The following SMIM14 variants were observed in gnomAD, a reference collection of about 807,000 sequenced individuals.
SMIM14 encodes the protein small integral membrane protein 14.
SMIM14 carries 5 observed loss-of-function variants against 12.6 expected under a neutral mutation model. The ratio of observed to expected loss-of-function variants is 0.40; its 90% CI spans 0.21 to 0.83. The LOEUF (loss-of-function observed/expected upper bound fraction) is 0.83. SMIM14 is among the 40% of genes least tolerant of loss of function. The pLI is 0.37. For missense variants in SMIM14, 86 were observed against 119.1 expected (o/e 0.72, Z 1.29); for synonymous variants, 30 against 40.1 (o/e 0.75, Z 0.95).
At chr4:39,595,674 T>C (rs1015648985) in intron 2 of SMIM14, among the ~76,000 whole-genome samples, 2 of 148,960 alleles carry the variant, frequency 1.3e-5, no homozygotes, top group Non-Finnish European at 3.0e-5. Flanking sequence ...AGTGGCACAA[T>C]CTTGGCTCAC....
At chr4:39,571,816 T>C (rs1712906242) in intron 3 of SMIM14, among the ~76,000 whole-genome samples, 1 of 152,002 alleles carries the variant, frequency 6.6e-6, no homozygotes. Context: ...TATTTTTTTT[T>C]TTTGAGACAG....
chr4:39,599,319 T>G (rs1008743447), intron 2 of SMIM14, among the ~76,000 whole-genome samples: 2 of 152,116 alleles, frequency 1.3e-5, no homozygotes, highest in Non-Finnish European at 2.9e-5. Context: ...CACAGGACCA[T>G]GTAAATTTCA....
chr4:39,630,775 T>C (rs1335683837), intron 1 of SMIM14, among the ~76,000 whole-genome samples: 4 of 151,166 alleles, frequency 2.6e-5, no homozygotes, highest in South Asian at 4.2e-4. Context: ...GGCAGGAGAA[T>C]TGCTTGAACC....
At position 39,558,152 on chromosome 4, in the gene SMIM14, A is replaced by G. The variant is rs1712110863; in HGVS notation, c.125-1582T>C. On this transcript the variant is annotated intron_variant, in intron 3 of 4. Coordinates refer to ENST00000295958, the MANE Select transcript of SMIM14 (RefSeq NM_174921.3). The surrounding 1 kb of genome is among the most constrained non-coding windows in gnomAD (Gnocchi z 4.3). ...GGTTAACAAATTTCTAATAAATGAA[A>G]CGTAGATTTTTTATTGAAGTATATT... Among the ~76,000 whole-genome samples the G allele has an allele frequency of 6.6e-6, 1 of 152,230 alleles. No homozygotes were observed. The highest frequency in any genetic ancestry group is 2.4e-5 in the African/African-American group (1 of 41,460).
intron 2 of SMIM14, among the ~76,000 whole-genome samples, chr4:39,575,831 A>G (rs1713139977): frequency 6.7e-6 from 1 of 149,318 alleles, no homozygotes; most frequent in South Asian, 2.1e-4. Context: ...CTGGGCTCAA[A>G]GGATCCACCC....
At chr4:39,638,700 G>A (rs1716198316) in intron 1 of SMIM14, 39 bp downstream of exon 1, 1 of 985,354 alleles carries the variant, frequency 1.0e-6, no homozygotes, top group African/African-American at 1.7e-5. Context: ...AGGGGAGGGT[G>A]AGCCAGCAAA....
At chr4:39,592,611 G>A (rs1284640958) in intron 2 of SMIM14, 1 of 152,054 alleles carries the variant, frequency 6.6e-6, no homozygotes, top group Non-Finnish European at 1.5e-5. Flanking sequence ...CAGCTACATT[G>A]TAGTGTACAT....
intron 4 of SMIM14, among the ~76,000 whole-genome samples, chr4:39,553,337 A>G (rs897196317): frequency 6.6e-6 from 1 of 152,132 alleles, no homozygotes; most frequent in African/African-American, 2.4e-5. Context: ...TGCTGGGATT[A>G]CAGGTGTAAG....
rs4975023 is a variant in SMIM14, at chr4:39,548,293, T to G, written c.*3833A>C. ...AAACAAAACAAAACAAACAAACAAA[T>G]GCAACAAAACAACCTCCCACTATTA... On this transcript the variant is annotated 3_prime_UTR_variant, in exon 5 of 5. Coordinates refer to ENST00000295958, the MANE Select transcript of SMIM14 (RefSeq NM_174921.3). 1 of 149,410 alleles carries G rather than the reference T, an allele frequency of 6.7e-6. No individual in the cohort carries two copies. The highest frequency in any genetic ancestry group is 1.5e-5 in the Non-Finnish European group (1 of 67,952). The allele number at this position is 149,410 out of a possible 1,614,324, so 9.3% of individuals were successfully genotyped here.
Position 39,552,016 on chromosome 4 carries a change from T to C in SMIM14, c.*110A>G, listed in dbSNP as rs113372264. On this transcript the variant is annotated 3_prime_UTR_variant, in exon 5 of 5. Coordinates refer to ENST00000295958, the MANE Select transcript of SMIM14 (RefSeq NM_174921.3). ...CTCATGAAAACAATACCATCCCATA[T>C]TGCAGATACAAAAGGAAAAACAGTT... 123 of 787,434 alleles carry C rather than the reference T, an allele frequency of 1.6e-4. No homozygotes were observed. The African/African-American group carries it at 2.0e-3, about 13-fold the overall frequency. The allele number at this position is 787,434 out of a possible 1,614,324, so 48.8% of individuals were successfully genotyped here.
In SMIM14 at chr4:39,633,563, G is replaced by A. The variant is rs558777561; in HGVS notation, c.-36+5176C>T. On this transcript the variant is annotated intron_variant, in intron 1 of 4. Transcript: ENST00000295958. ...AGGCAGAAGGATCATTTGAGCCCAGGAATTCCATACCAACCTGAGCCTGTC... is the reference window on the plus strand; with the variant it reads ...AGGCAGAAGGATCATTTGAGCCCAGAAATTCCATACCAACCTGAGCCTGTC... 5.9e-5 allele frequency among the ~76,000 whole-genome samples: 9 copies of A among 152,132 alleles called. No homozygotes were observed. The South Asian group carries it at 1.5e-3, about 25-fold the overall frequency.
At chr4:39,617,067 A>G (rs1715253398) in intron 1 of SMIM14, among the ~76,000 whole-genome samples, 8 of 152,186 alleles carry the variant, frequency 5.3e-5, no homozygotes, top group Admixed American at 5.2e-4. Context: ...TTCTATACAT[A>G]TTACTTTTTG....
intron 1 of SMIM14, among the ~76,000 whole-genome samples, chr4:39,632,383 G>A (rs1715933135): frequency 6.6e-6 from 1 of 151,360 alleles, no homozygotes; most frequent in African/African-American, 2.4e-5. Flanking sequence ...AGGAGGCTGA[G>A]GCTGGAGAAT....
intron 1 of SMIM14, among the ~76,000 whole-genome samples, chr4:39,609,937 A>G (rs1443895978): frequency 6.6e-6 from 1 of 152,210 alleles, no homozygotes; most frequent in Non-Finnish European, 1.5e-5. Flanking sequence ...AAATGGTGTT[A>G]GCTCCCTCCC....
intron 2 of SMIM14, 82 bp downstream of exon 2, chr4:39,604,989 C>G (rs1453635161): frequency 3.5e-6 from 3 of 853,564 alleles, no homozygotes; most frequent in Admixed American, 2.4e-5. Flanking sequence ...GATGAAAACC[C>G]TCCAATAACC....
chr4:39,582,787 T>G (rs1174349225), intron 2 of SMIM14, among the ~76,000 whole-genome samples: 4 of 152,024 alleles, frequency 2.6e-5, no homozygotes, highest in Admixed American at 6.6e-5. Flanking sequence ...CACCTTTAAT[T>G]TTTTATTTTT....
chr4:39,567,072 G>A (rs1391253319), intron 3 of SMIM14, among the ~76,000 whole-genome samples: 1 of 144,552 alleles, frequency 6.9e-6, no homozygotes, highest in East Asian at 2.2e-4. Context: ...GGAGGTGGAG[G>A]TTGTAGTAAG....
rs1713199789 is a variant in SMIM14, at chr4:39,576,676, ATATATATATTTTTTTTTTTTT to A, written c.76-4234_76-4214del. 5.5e-4 allele frequency among the ~76,000 whole-genome samples: 17 copies of A among 31,050 alleles called. 1 individual carries two copies. Among genetic ancestry groups the A allele is most frequent in the East Asian group, 2.5e-3 (2 of 788 alleles). The allele number at this position is 31,050 out of a possible 152,430, so 20.4% of individuals were successfully genotyped here. ...TGTGTATGTGTATATATATATATATATATATATATTTTTTTTTTTTTTTTTTTTTTTTTTTTTTTTTTTTTT... is the reference window on the plus strand; with the variant it reads ...TGTGTATGTGTATATATATATATATATTTTTTTTTTTTTTTTTTTTTTTTT... On this transcript the variant is annotated intron_variant, in intron 2 of 4. Transcript: ENST00000295958.
intron 1 of SMIM14, among the ~76,000 whole-genome samples, chr4:39,632,388 G>A (rs1369317445): frequency 6.6e-6 from 1 of 150,908 alleles, no homozygotes; most frequent in Non-Finnish European, 1.5e-5. Context: ...GCTGAGGCTG[G>A]AGAATCACTT....
Sources: gnomAD v4.1 joint callset for allele counts (sites outside exome capture counted in the v4.1 genomes callset) on GRCh38, gnomAD v4.1.1 for gene constraint, Gnocchi (gnomAD v3.1) non-coding constraint, MANE v1.5 for transcripts, NCBI Gene and HGNC (gene_info 2026-07-23, HGNC 2026-07-21) for gene names.